FRMD4B: variants seen among roughly 807,000 people sequenced by gnomAD.
FRMD4B encodes the protein FERM domain containing 4B.
FRMD4B carries 74 observed loss-of-function variants against 141.5 expected under a neutral mutation model. The ratio of observed to expected loss-of-function variants is 0.52; its 90% CI spans 0.43 to 0.63. The LOEUF (loss-of-function observed/expected upper bound fraction) is 0.63. FRMD4B is among the 30% of genes least tolerant of loss of function. The pLI is 0.00. For synonymous variants in FRMD4B, 506 were observed against 467.9 expected (o/e 1.08, Z -1.05); for missense variants, 1,366 against 1,253.4 (o/e 1.09, Z -1.36).
At chr3:69,465,543 C>G (rs1041280486) in intron 1 of FRMD4B, among the ~76,000 whole-genome samples, 2 of 150,438 alleles carry the variant, frequency 1.3e-5, no homozygotes, top group East Asian at 3.9e-4. Flanking sequence ...CTCCCCCAGT[C>G]CCCCAGCCCC....
chr3:69,270,582 T>A (rs896544963), intron 5 of FRMD4B, among the ~76,000 whole-genome samples: 1 of 151,702 alleles, frequency 6.6e-6, no homozygotes, highest in Non-Finnish European at 1.5e-5. Context: ...TTTTTTTTTT[T>A]TTGAGACGGA....
intron 2 of FRMD4B, among the ~76,000 whole-genome samples, chr3:69,404,914 C>T (rs992682309): frequency 1.3e-5 from 2 of 152,160 alleles, no homozygotes; most frequent in Non-Finnish European, 2.9e-5. Flanking sequence ...CAGGGCTTAT[C>T]ACAGTGCTTG....
chr3:69,491,201 G>A (rs1706296188), intron 1 of FRMD4B, among the ~76,000 whole-genome samples: 1 of 152,148 alleles, frequency 6.6e-6, no homozygotes, highest in Non-Finnish European at 1.5e-5. Flanking sequence ...AATAGGTCGA[G>A]AAGCCATGCA....
intron 7 of FRMD4B, among the ~76,000 whole-genome samples, chr3:69,239,674 T>C (rs6793752): frequency 0.65 from 98,486 of 152,056 alleles, 34,187 homozygotes; most frequent in South Asian, 0.84. Flanking sequence ...GTGGTGGCCA[T>C]GGACTGCGGG....
chr3:69,374,000 T>C (rs1303004459), intron 1 of FRMD4B, among the ~76,000 whole-genome samples: 1 of 152,178 alleles, frequency 6.6e-6, no homozygotes. Flanking sequence ...TTCCTCATCT[T>C]ACAGAAGATA....
At chr3:69,348,462 G>A (rs1477567685) in intron 1 of FRMD4B, among the ~76,000 whole-genome samples, 1 of 152,130 alleles carries the variant, frequency 6.6e-6, no homozygotes, top group Non-Finnish European at 1.5e-5. Context: ...GAAAAAGAGG[G>A]AATCCTCCCT....
intron 1 of FRMD4B, among the ~76,000 whole-genome samples, chr3:69,347,130 A>C (rs1044973269): frequency 6.6e-6 from 1 of 152,186 alleles, no homozygotes; most frequent in Admixed American, 6.5e-5. Flanking sequence ...TAAAGAGATG[A>C]ATGAAGGTCT....
At chr3:69,513,412 A>T (rs1706720512) in intron 1 of FRMD4B, among the ~76,000 whole-genome samples, 1 of 152,166 alleles carries the variant, frequency 6.6e-6, no homozygotes, top group Admixed American at 6.5e-5. Context: ...CAGTAATCTA[A>T]AACCTCCCAA....
chr3:69,425,987 AG>A (rs1206799593), intron 2 of FRMD4B, among the ~76,000 whole-genome samples: 1 of 152,364 alleles, frequency 6.6e-6, no homozygotes, highest in Non-Finnish European at 1.5e-5. Context: ...CTACCATAAC[AG>A]GTTAGGCCTT....
chr3:69,312,243 A>G (rs1275396848), intron 2 of FRMD4B, among the ~76,000 whole-genome samples: 1 of 152,198 alleles, frequency 6.6e-6, no homozygotes, highest in Non-Finnish European at 1.5e-5. Flanking sequence ...GAATCCTTGC[A>G]GGAGGGCACT....
chr3:69,292,608 T>G (rs895105726), intron 4 of FRMD4B, among the ~76,000 whole-genome samples: 2 of 152,218 alleles, frequency 1.3e-5, no homozygotes, highest in Non-Finnish European at 2.9e-5. Flanking sequence ...TTACCAGCTT[T>G]CTGAATCCAC....
intron 2 of FRMD4B, among the ~76,000 whole-genome samples, chr3:69,427,641 A>ATTTTTTTT (rs1285387505): frequency 8.0e-5 from 6 of 74,548 alleles, no homozygotes; most frequent in Non-Finnish European, 1.1e-4. Context: ...AGCTAGGTAA[A>ATTTTTTTT]TGTTTTTTTT....
chr3:69,480,689 C>G lies in FRMD4B; in HGVS notation c.-128-47928G>C, dbSNP rs554291597. On this transcript the variant is annotated intron_variant, in intron 1 of 5. Transcript: ENST00000459638. ...GACCCACTTGAGGAGGCAGTCTGCC[C>G]GTTCTCAGATCTCCAGCTGCGTGCT... Among the ~76,000 whole-genome samples, 5 of 152,298 alleles carry G rather than the reference C, an allele frequency of 3.3e-5. No individual in the cohort carries two copies. The South Asian group carries it at 8.3e-4, about 25-fold the overall frequency.
intron 11 of FRMD4B, among the ~76,000 whole-genome samples, chr3:69,207,307 T>TAAAAAAAAAAAAAAAA: frequency 7.3e-6 from 1 of 136,916 alleles, no homozygotes; most frequent in Middle Eastern, 3.7e-3. Context: ...CCTATGTCTT[T>TAAAAAAAAAAAAAAAA]AAAAAAAAAA....
chr3:69,244,238 C>T (rs776292546), intron 7 of FRMD4B, among the ~76,000 whole-genome samples: 1 of 152,026 alleles, frequency 6.6e-6, no homozygotes, highest in African/African-American at 2.4e-5. Flanking sequence ...CCTCAGACAG[C>T]ATGCAAGAGA....
intron 1 of FRMD4B, among the ~76,000 whole-genome samples, chr3:69,352,635 A>T (rs1564758): frequency 0.15 from 23,331 of 152,180 alleles, 2,343 homozygotes; most frequent in African/African-American, 0.27. Context: ...AGTTTGCCAT[A>T]ACCACATTAC....
chr3:69,362,494 A>G (rs1703497638), intron 1 of FRMD4B, among the ~76,000 whole-genome samples: 1 of 152,182 alleles, frequency 6.6e-6, no homozygotes, highest in South Asian at 2.1e-4. Context: ...CCTGACCAAC[A>G]TGGTAACACC....
In FRMD4B at chr3:69,171,836, C is replaced by T. The variant is rs771781564; in HGVS notation, c.*25G>A. The T allele has an allele frequency of 1.2e-6, 2 of 1,606,228 alleles. No individual in the cohort carries two copies. Among genetic ancestry groups the T allele is most frequent in the East Asian group, 2.2e-5 (1 of 44,848 alleles). On this transcript the variant is annotated 3_prime_UTR_variant, in exon 23 of 23. Coordinates refer to ENST00000398540, the MANE Select transcript of FRMD4B (RefSeq NM_015123.3). ...GGCACACTAGTGTGAGAACGCAGTG[C>T]TTGGTCAGGAGGTCCAACTGCAGTT...
In FRMD4B at chr3:69,422,163, G is replaced by A. The variant is rs1470609732; in HGVS notation, c.-1+10471C>T. On this transcript the variant is annotated intron_variant, in intron 2 of 5. Coordinates refer to the FRMD4B transcript ENST00000459638. ...CCAGCACTTTGGGAGGCTGAGGAGG[G>A]CAGACCACTTGAGGTCAGAAGATCG... is the stretch of plus-strand genomic sequence containing the variant. Among the ~76,000 whole-genome samples the A allele has an allele frequency of 3.3e-5, 5 of 152,330 alleles. No homozygotes were observed. In the South Asian group the frequency reaches 8.3e-4, roughly 25 times the overall value.
Sources: gnomAD v4.1 joint callset for allele counts (sites outside exome capture counted in the v4.1 genomes callset) on GRCh38, gnomAD v4.1.1 for gene constraint, MANE v1.5 for transcripts, NCBI Gene and HGNC (gene_info 2026-07-23, HGNC 2026-07-21) for gene names.